The following BRWD1 variants were observed in gnomAD, a reference collection of about 807,000 sequenced individuals.
BRWD1 encodes bromodomain and WD repeat-containing protein 1.
A neutral mutation model predicts 251.2 loss-of-function variants in BRWD1; 82 were observed. The ratio of observed to expected loss-of-function variants is 0.33; its 90% CI spans 0.27 to 0.39. The LOEUF is 0.39. BRWD1 is among the 10% of genes least tolerant of loss of function. The probability of loss-of-function intolerance (pLI) is 1.00; values close to 1 mark genes in which losing one functional copy is unlikely to be tolerated. For synonymous variants in BRWD1, 918 were observed against 902.8 expected, an observed-to-expected ratio of 1.02 and a Z score of -0.30; for missense variants, 2,233 against 2,711.6, an observed-to-expected ratio of 0.82 and a Z score of 3.92.
chr21:39,195,833 C>A lies in BRWD1; in HGVS notation c.*426G>T. Reference sequence around the variant, plus strand: ...CAGTATGCATGTATTTATGAAGAATCTGTAAACATAGGTTGTGAAATTGTT... The same window carrying A: ...CAGTATGCATGTATTTATGAAGAATATGTAAACATAGGTTGTGAAATTGTT... On this transcript the variant is annotated 3_prime_UTR_variant, in exon 41 of 41. Transcript: ENST00000342449. 1.9e-5 allele frequency: 19 copies of A among 987,896 alleles called. No individual in the cohort carries two copies. The highest frequency in any genetic ancestry group is 2.3e-5 in the Non-Finnish European group (19 of 831,704). 61.2% of individuals were successfully genotyped at this position (987,896 alleles called of 1,614,324 possible). A position where few individuals can be genotyped will look rare whatever the true frequency, so the allele number is the denominator to read the frequency against.
chr21:39,304,141 C>CAAAAAAAAAAAAAA, intron 4 of BRWD1, among the ~76,000 whole-genome samples: 1 of 118,388 alleles, frequency 8.4e-6, no homozygotes, highest in Non-Finnish European at 1.7e-5. Flanking sequence ...AACTCTTTCT[C>CAAAAAAAAAAAAAA]AAAAAAAAAA....
intron 27 of BRWD1, among the ~76,000 whole-genome samples, chr21:39,228,043 A>G (rs2033453138): frequency 6.6e-6 from 1 of 152,206 alleles, no homozygotes; most frequent in Non-Finnish European, 1.5e-5. Flanking sequence ...TAATCCCAGC[A>G]GTTTGGGAGG....
At position 39,238,581 on chromosome 21, in the gene BRWD1, G is replaced by A; in HGVS notation, c.2482-8C>T. The A allele has an allele frequency of 6.3e-7, 1 of 1,599,478 alleles. No homozygotes were observed. Among genetic ancestry groups the A allele is most frequent in the Non-Finnish European group, 8.6e-7 (1 of 1,167,972 alleles). The stretch of plus-strand genomic sequence containing the variant: ...CTGATCACAGGAAGTCTCCTAATTT[G>A]TGAAGGGGGGAAAAAAATCTTGATC... On this transcript the variant is annotated splice_polypyrimidine_tract_variant and splice_region_variant and intron_variant, in intron 21 of 40. Transcript: ENST00000342449.
chr21:39,264,463 T>A lies in BRWD1; in HGVS notation c.1882A>T (p.Thr628Ser), dbSNP rs761216584. 6.4e-7 allele frequency: 1 copy of A among 1,568,546 alleles called. No individual in the cohort carries two copies. The highest frequency in any genetic ancestry group is 2.3e-5 in the East Asian group (1 of 43,598). The change falls in exon 17 of 41, where the codon ACA (threonine) becomes TCA (serine). Residue 628 changes from threonine (T) to serine (S), a missense_variant. Around this residue, in one of 12 missense-constraint regions of BRWD1, gnomAD observed 315 missense variants for 421.8 expected, o/e 0.75. Coordinates refer to ENST00000342449, the MANE Select transcript of BRWD1 (RefSeq NM_033656.4). ...HLIPQLGYVA[T>S]SDGEVIEQII... Reference sequence around the variant, plus strand: ...AAAAAAAAAAGACTGCACTTACTTGTTGCCACATAGCCCAGCTGTGGAATC... The same window carrying A: ...AAAAAAAAAAGACTGCACTTACTTGATGCCACATAGCCCAGCTGTGGAATC...
At chr21:39,299,605 A>C (rs1264506115) in intron 4 of BRWD1, among the ~76,000 whole-genome samples, 1 of 152,138 alleles carries the variant, frequency 6.6e-6, no homozygotes, top group Non-Finnish European at 1.5e-5. Context: ...AAAATGTATA[A>C]ACCCATCACA....
chr21:39,300,984 C>A (rs1568970700), intron 4 of BRWD1, among the ~76,000 whole-genome samples: 1 of 152,158 alleles, frequency 6.6e-6, no homozygotes, highest in South Asian at 2.1e-4. Context: ...CGAGACCATC[C>A]TGGCTAACAC....
chr21:39,311,292 G>A (rs1286440468), intron 4 of BRWD1, among the ~76,000 whole-genome samples: 4 of 151,838 alleles, frequency 2.6e-5, no homozygotes, highest in African/African-American at 7.3e-5. Context: ...CTCAGCCTCC[G>A]AAATAGCTGG....
rs375740351 is a variant in BRWD1, at chr21:39,213,041, T to C, written c.3859-334A>G. ...ATCCCCAGAAACATACAGATTCCTA[T>C]AGTTTCTGCATTTTGTGTTCTATAG... is the stretch of plus-strand genomic sequence containing the variant. On this transcript the variant is annotated intron_variant, in intron 33 of 40. Transcript: ENST00000342449. Among the ~76,000 whole-genome samples the C allele has an allele frequency of 1.1e-4, 16 of 152,308 alleles. No individual in the cohort carries two copies. In the East Asian group the frequency reaches 2.9e-3, roughly 28 times the overall value.
chr21:39,270,875 A>T (rs2035075466), intron 13 of BRWD1, among the ~76,000 whole-genome samples: 1 of 152,258 alleles, frequency 6.6e-6, no homozygotes, highest in Non-Finnish European at 1.5e-5. Context: ...ACAGATGTTC[A>T]ATCTGAACTG....
rs746116955 is a variant in BRWD1 at position 39,199,587 on chromosome 21, T to C, written c.4829A>G (p.Asn1610Ser). 1.1e-5 allele frequency: 17 copies of C among 1,614,190 alleles called. No homozygotes were observed. The Admixed American group carries it at 2.2e-4, about 21-fold the overall frequency. Residue 1610 changes from asparagine (N) to serine (S), a missense_variant, in exon 40 of 41, where the codon AAT becomes AGT. Around this residue, in one of 12 missense-constraint regions of BRWD1, gnomAD observed 928 missense variants for 970.0 expected, o/e 0.96. Coordinates refer to ENST00000342449, the MANE Select transcript of BRWD1 (RefSeq NM_033656.4). ...TAGAATTTCACCAGTCTCCAATGAA[T>C]TGTTATCAGAATCACTTAAATAGAC... ...KRVYLSDSDN[N>S]SLETGEILKA...
At chr21:39,248,641 C>CAA (rs375430016) in intron 20 of BRWD1, among the ~76,000 whole-genome samples, 9 of 83,296 alleles carry the variant, frequency 1.1e-4, no homozygotes, top group East Asian at 8.0e-4. Flanking sequence ...CCCTATCTCC[C>CAA]AAAAAAAAAA....
chr21:39,313,162 C>G, intron 2 of BRWD1, 61 bp from the exon 3 acceptor site: 3 of 1,495,444 alleles, frequency 2.0e-6, no homozygotes, highest in Non-Finnish European at 2.7e-6. Context: ...CCGTTTCACC[C>G]CCGCCCACCA....
chr21:39,309,740 G>A (rs1346270469), intron 4 of BRWD1, among the ~76,000 whole-genome samples: 46 of 151,198 alleles, frequency 3.0e-4, no homozygotes, highest in African/African-American at 1.1e-3. Flanking sequence ...CTGGAGAATG[G>A]CGTGAATCCG....
intron 19 of BRWD1, among the ~76,000 whole-genome samples, chr21:39,251,391 A>G (rs979049871): frequency 6.6e-6 from 1 of 152,190 alleles, no homozygotes; most frequent in African/African-American, 2.4e-5. Flanking sequence ...GCCACCAAGA[A>G]GAAGGTACTA....
At chr21:39,211,451 G>A (rs2032653596) in intron 34 of BRWD1, among the ~76,000 whole-genome samples, 1 of 152,204 alleles carries the variant, frequency 6.6e-6, no homozygotes, top group Admixed American at 6.5e-5. Flanking sequence ...AGAAAGGTCA[G>A]AGTCAGAGAG....
chr21:39,190,900 ACT>A lies in BRWD1; in HGVS notation c.*5357_*5358del. On this transcript the variant is annotated 3_prime_UTR_variant, in exon 41 of 41. Transcript: ENST00000342449. ...TTTACTCAATGATGGGCACCACACA[ACT>A]CTGAATTTTTGTTCTTATTCTGGAA... The A allele has an allele frequency of 6.1e-6, 6 of 985,204 alleles. No homozygotes were observed. The highest frequency in any genetic ancestry group is 7.2e-6 in the Non-Finnish European group (6 of 829,860). The allele number at this position is 985,204 out of a possible 1,614,324, so 61.0% of individuals were successfully genotyped here.
At position 39,202,424 on chromosome 21, in the gene BRWD1, T is replaced by C. The variant is rs775275580; in HGVS notation, c.4486A>G (p.Ile1496Val). ...YLGTHKTSAG[I>V]SSGVTSGDSS... Reference sequence around the variant, plus strand: ...TCACCAGAAGTAACACCTGAAGAGATACCAGCACTTGTCTTGTGGGTTCCA... The same window carrying C: ...TCACCAGAAGTAACACCTGAAGAGACACCAGCACTTGTCTTGTGGGTTCCA... The change falls in exon 38 of 41, where the codon ATC (isoleucine) becomes GTC (valine). Residue 1496 changes from isoleucine (I) to valine (V), a missense_variant. Ile to Val is a conservative substitution (Grantham distance 29). Around this residue, in one of 12 missense-constraint regions of BRWD1, gnomAD observed 928 missense variants for 970.0 expected, o/e 0.96. Transcript: ENST00000342449. 10 of 1,614,140 alleles carry C rather than the reference T, an allele frequency of 6.2e-6. No homozygotes were observed. Among genetic ancestry groups the C allele is most frequent in the Non-Finnish European group, 6.8e-6 (8 of 1,179,982 alleles).
chr21:39,212,051 G>A (rs1037214729), intron 34 of BRWD1, among the ~76,000 whole-genome samples: 6 of 151,782 alleles, frequency 4.0e-5, no homozygotes, highest in African/African-American at 1.5e-4. Context: ...TATCTCCATT[G>A]TTAAAAAAAG....
chr21:39,223,841 G>T (rs1207371004), intron 29 of BRWD1, among the ~76,000 whole-genome samples: 1 of 152,038 alleles, frequency 6.6e-6, no homozygotes, highest in Non-Finnish European at 1.5e-5. Flanking sequence ...CTACATGAAG[G>T]ATGTAAATTT....
Sources: allele counts gnomAD v4.1 joint callset (sites outside exome capture counted in the v4.1 genomes callset), GRCh38; gene constraint gnomAD v4.1.1; regional missense constraint gnomAD v4.1.1; transcripts MANE v1.5; gene names NCBI Gene and HGNC (gene_info 2026-07-23, HGNC 2026-07-21).